Variants in RNF217 observed in about 807,000 individuals in gnomAD.
RNF217 encodes the protein E3 ubiquitin-protein ligase RNF217.
RNF217 carries 31 observed loss-of-function variants against 57.8 expected under a neutral mutation model. The ratio of observed to expected loss-of-function variants is 0.54; its 90% CI spans 0.40 to 0.72. RNF217 has a LOEUF of 0.72. RNF217 is among the 30% of genes least tolerant of loss of function. The pLI is 0.00. For missense variants in RNF217, 696 were observed against 708.3 expected (o/e 0.98, Z 0.20); for synonymous variants, 313 against 294.0 (o/e 1.06, Z -0.66).
At chr6:125,056,789 G>T (rs1056142379) in intron 2 of RNF217, among the ~76,000 whole-genome samples, 1 of 152,170 alleles carries the variant, frequency 6.6e-6, no homozygotes, top group Non-Finnish European at 1.5e-5. Flanking sequence ...ATCACATGGG[G>T]CTCTGTAAGT....
chr6:125,010,244 T>A (rs1562466384), intron 1 of RNF217, among the ~76,000 whole-genome samples: 1 of 152,224 alleles, frequency 6.6e-6, no homozygotes, highest in South Asian at 2.1e-4. Context: ...TGACTGGTAA[T>A]TATTTCCTCT....
At chr6:125,001,609 G>A (rs575191409) in intron 1 of RNF217, among the ~76,000 whole-genome samples, 62 of 152,322 alleles carry the variant, frequency 4.1e-4, no homozygotes, top group African/African-American at 1.3e-3. Context: ...TTGAATCACA[G>A]TTGTTAAAAT....
At chr6:125,041,782 A>G (rs1786891136) in intron 1 of RNF217, among the ~76,000 whole-genome samples, 1 of 151,856 alleles carries the variant, frequency 6.6e-6, no homozygotes, top group African/African-American at 2.4e-5. Flanking sequence ...TCCAGTAGAA[A>G]CCCCATGTTT....
intron 1 of RNF217, among the ~76,000 whole-genome samples, chr6:125,015,560 C>A (rs1486805268): frequency 4.6e-5 from 7 of 152,058 alleles, no homozygotes; most frequent in Admixed American, 4.6e-4. Context: ...ATCTAATAAA[C>A]ATAAATGCCA....
intron 5 of RNF217, among the ~76,000 whole-genome samples, chr6:125,082,075 C>G (rs1788596584): frequency 6.6e-6 from 1 of 152,036 alleles, no homozygotes; most frequent in South Asian, 2.1e-4. Flanking sequence ...TTTAGAATAT[C>G]CTCAAGGGCT....
At chr6:125,035,995 G>T (rs559478010) in intron 1 of RNF217, among the ~76,000 whole-genome samples, 2 of 152,012 alleles carry the variant, frequency 1.3e-5, no homozygotes, top group Admixed American at 1.3e-4. Flanking sequence ...TGCCATGGTG[G>T]TTTGCTGCAC....
chr6:125,069,239 A>G (rs541079092), intron 3 of RNF217, among the ~76,000 whole-genome samples: 2 of 152,328 alleles, frequency 1.3e-5, no homozygotes, highest in African/African-American at 4.8e-5. Context: ...TAAAAAGCTA[A>G]CATTATAGCA....
chr6:125,065,953 T>C (rs1449517047), intron 3 of RNF217, among the ~76,000 whole-genome samples: 2 of 152,190 alleles, frequency 1.3e-5, no homozygotes, highest in African/African-American at 4.8e-5. Flanking sequence ...CTCCCCAAAA[T>C]GGTTCTTCTC....
At chr6:125,066,350 G>A (rs533562748) in intron 3 of RNF217, among the ~76,000 whole-genome samples, 21 of 152,246 alleles carry the variant, frequency 1.4e-4, no homozygotes, top group African/African-American at 4.8e-4. Flanking sequence ...CATAGAACCC[G>A]TCGCCCTCTG....
chr6:125,069,018 G>A (rs994239363), intron 3 of RNF217, among the ~76,000 whole-genome samples: 5 of 152,120 alleles, frequency 3.3e-5, no homozygotes, highest in Non-Finnish European at 5.9e-5. Flanking sequence ...GGGATCAAGG[G>A]AAGTGGTGTG....
chr6:124,974,153 G>A (rs1483159104), intron 1 of RNF217, among the ~76,000 whole-genome samples: 1 of 152,192 alleles, frequency 6.6e-6, no homozygotes, highest in Non-Finnish European at 1.5e-5. Context: ...TGGTGAGGCA[G>A]TCATAAGCCT....
chr6:124,993,456 T>A (rs1172602072), intron 1 of RNF217, among the ~76,000 whole-genome samples: 1 of 152,188 alleles, frequency 6.6e-6, no homozygotes, highest in Non-Finnish European at 1.5e-5. Flanking sequence ...CTTTCTTTGA[T>A]GAAGAGGCTT....
chr6:124,970,430 A>C (rs962168709), intron 1 of RNF217, among the ~76,000 whole-genome samples: 2 of 152,190 alleles, frequency 1.3e-5, no homozygotes, highest in Admixed American at 1.3e-4. Flanking sequence ...AAAAAGAGTC[A>C]AGCATGAGTC....
intron 5 of RNF217, among the ~76,000 whole-genome samples, 174 bp downstream of exon 5, chr6:125,081,681 T>G (rs1302458622): frequency 6.6e-6 from 1 of 152,136 alleles, no homozygotes; most frequent in Non-Finnish European, 1.5e-5. Flanking sequence ...GTGTTTCCTG[T>G]AGGATATGTT....
Position 125,020,021 on chromosome 6 carries a change from G to A in RNF217, c.883-25190G>A, listed in dbSNP as rs1437440397. On this transcript the variant is annotated intron_variant, in intron 1 of 5. Coordinates refer to ENST00000521654, the MANE Select transcript of RNF217 (RefSeq NM_001286398.3). ...CATCCAGCCTGTCTCAAGGGGCCAG[G>A]TGCTGGTCTCTCTTGGTGCCGCTTT... is the stretch of plus-strand genomic sequence containing the variant. Among the ~76,000 whole-genome samples, 12 of 152,152 alleles carry A rather than the reference G, an allele frequency of 7.9e-5. 1 individual carries two copies. The highest frequency in any genetic ancestry group is 7.9e-4 in the Admixed American group (12 of 15,276).
intron 3 of RNF217, 36 bp from the exon 4 acceptor site, chr6:125,076,617 GCTAA>G (rs762893291): frequency 2.7e-6 from 4 of 1,477,700 alleles, no homozygotes; most frequent in East Asian, 4.5e-5. Flanking sequence ...TAAAAACTCA[GCTAA>G]CTCTTTCCTT....
At chr6:124,993,702 G>C (rs908597998) in intron 1 of RNF217, among the ~76,000 whole-genome samples, 1 of 152,170 alleles carries the variant, frequency 6.6e-6, no homozygotes, top group African/African-American at 2.4e-5. Context: ...TAGGAAGGCC[G>C]GGTAGGCCAG....
intron 1 of RNF217, chr6:125,009,035 A>G (rs572924693): frequency 2.5e-6 from 1 of 393,610 alleles, no homozygotes; most frequent in East Asian, 3.7e-5. Context: ...ACCTCATTAC[A>G]TATAATTTTA....
Position 125,091,962 on chromosome 6 carries a change from A to G in RNF217, c.*9025A>G, listed in dbSNP as rs1346629556. ...TTATATTCTTTATGTATCATAATAT[A>G]TAATTCAACTTTTCCTGATGAATGT... On this transcript the variant is annotated 3_prime_UTR_variant, in exon 6 of 6. Coordinates refer to ENST00000521654, the MANE Select transcript of RNF217 (RefSeq NM_001286398.3). 1.3e-5 allele frequency: 2 copies of G among 152,208 alleles called. No individual in the cohort carries two copies. The highest frequency in any genetic ancestry group is 2.4e-5 in the African/African-American group (1 of 41,466). 9.4% of individuals were successfully genotyped at this position (152,208 alleles called of 1,614,324 possible). A position where few individuals can be genotyped will look rare whatever the true frequency, so the allele number is the denominator to read the frequency against.
Sources: allele counts gnomAD v4.1 joint callset (sites outside exome capture counted in the v4.1 genomes callset), GRCh38; gene constraint gnomAD v4.1.1; transcripts MANE v1.5; gene names NCBI Gene and HGNC (gene_info 2026-07-23, HGNC 2026-07-21).